PIK3C2A: variants seen among roughly 807,000 people sequenced by gnomAD.
PIK3C2A encodes the protein phosphatidylinositol 4-phosphate 3-kinase C2 domain-containing subunit alpha.
PIK3C2A carries 97 observed loss-of-function variants against 204.5 expected under a neutral mutation model. The observed-to-expected ratio is 0.47, with a 90% CI of 0.40 to 0.56. PIK3C2A has a LOEUF of 0.56. Ranked by LOEUF, PIK3C2A falls within the 20% of genes least tolerant of loss-of-function variation. The probability of loss-of-function intolerance (pLI) is 0.00; values close to 1 mark genes in which losing one functional copy is unlikely to be tolerated. For synonymous variants in PIK3C2A, 653 were observed against 664.4 expected (o/e 0.98, Z 0.26); for missense variants, 1,735 against 1,969.2 (o/e 0.88, Z 2.25).
At chr11:17,095,979 TA>T (rs1051033100) in intron 27 of PIK3C2A, among the ~76,000 whole-genome samples, 77 of 150,326 alleles carry the variant, frequency 5.1e-4, no homozygotes, top group Non-Finnish European at 8.3e-4. Context: ...AAAAGTCAGT[TA>T]AAAAAAGGCA....
At chr11:17,114,059 A>G (rs1590922400) in intron 20 of PIK3C2A, among the ~76,000 whole-genome samples, 1 of 143,376 alleles carries the variant, frequency 7.0e-6, no homozygotes, top group Admixed American at 7.2e-5. Flanking sequence ...CAGCTTGGGC[A>G]AGAGTGAGAC....
chr11:17,165,546 C>T (rs1850914155), intron 2 of PIK3C2A, among the ~76,000 whole-genome samples: 1 of 151,734 alleles, frequency 6.6e-6, no homozygotes, highest in African/African-American at 2.4e-5. Flanking sequence ...AAGGCTGAGG[C>T]AGGCAGATCA....
chr11:17,115,654 A>G (rs1849159776), intron 19 of PIK3C2A: 1 of 152,194 alleles, frequency 6.6e-6, no homozygotes, highest in African/African-American at 2.4e-5. Context: ...TTTTATTTAA[A>G]AATTTTTAAC....
intron 1 of PIK3C2A, among the ~76,000 whole-genome samples, chr11:17,199,575 A>G (rs1327591446): frequency 6.6e-6 from 1 of 152,238 alleles, no homozygotes; most frequent in South Asian, 2.1e-4. Context: ...TAAGTGACAT[A>G]AGTCAGACAC....
In PIK3C2A at chr11:17,089,792, G is replaced by A; in HGVS notation, c.5007C>T (p.Asn1669=). 1 of 1,613,952 alleles carries A rather than the reference G, an allele frequency of 6.2e-7. No individual in the cohort carries two copies. Among genetic ancestry groups the A allele is most frequent in the South Asian group, 1.1e-5 (1 of 91,082 alleles). The change falls in exon 33 of 33, where the codon AAC becomes AAT. Residue 1669 remains asparagine (N), a synonymous_variant. Transcript: ENST00000691414. ...GGVTLPLKDF[N]LSKETVKWYQ... ...ACCATTTAACCGTCTCTTTGCTCAAGTTGAAATCTTTCAAAGGCAGGGTTA... is the reference window on the plus strand; with the variant it reads ...ACCATTTAACCGTCTCTTTGCTCAAATTGAAATCTTTCAAAGGCAGGGTTA...
chr11:17,165,630 C>G (rs1054912308), intron 2 of PIK3C2A, among the ~76,000 whole-genome samples: 4 of 151,802 alleles, frequency 2.6e-5, no homozygotes, highest in African/African-American at 9.7e-5. Flanking sequence ...ACAAAATTAG[C>G]CGGTCGTGGT....
chr11:17,089,695 G>T lies in PIK3C2A; in HGVS notation c.*43C>A. The T allele has an allele frequency of 7.4e-7, 1 of 1,355,882 alleles. No individual in the cohort carries two copies. The highest frequency in any genetic ancestry group is 1.0e-6 in the Non-Finnish European group (1 of 954,034). 84.0% of individuals were successfully genotyped at this position (1,355,882 alleles called of 1,614,324 possible). A position where few individuals can be genotyped will look rare whatever the true frequency, so the allele number is the denominator to read the frequency against. ...TGTGTGTGTGCATGTATGCATGCAC[G>T]TTTATAACTGTTCATGCTTCCAAAG... On this transcript the variant is annotated 3_prime_UTR_variant, in exon 33 of 33. Coordinates refer to ENST00000691414, the MANE Select transcript of PIK3C2A (RefSeq NM_002645.4).
rs1049903413 is a variant in PIK3C2A at position 17,087,749 on chromosome 11, T to A, written c.*1989A>T. ...ATTTGCATTTGCAAAGGTACTTACATACTTTAAGGAAATGTTAATGATCTG... is the reference window on the plus strand; with the variant it reads ...ATTTGCATTTGCAAAGGTACTTACAAACTTTAAGGAAATGTTAATGATCTG... On this transcript the variant is annotated 3_prime_UTR_variant, in exon 33 of 33. Transcript: ENST00000691414. 3.9e-5 allele frequency: 6 copies of A among 152,258 alleles called. No individual in the cohort carries two copies. The highest frequency in any genetic ancestry group is 1.2e-4 in the African/African-American group (5 of 41,462). The allele number at this position is 152,258 out of a possible 1,614,324, so 9.4% of individuals were successfully genotyped here. A position where few individuals can be genotyped will look rare whatever the true frequency, so the allele number is the denominator to read the frequency against.
intron 22 of PIK3C2A, among the ~76,000 whole-genome samples, chr11:17,107,773 A>G (rs956651932): frequency 1.3e-5 from 2 of 152,250 alleles, no homozygotes; most frequent in African/African-American, 4.8e-5. Context: ...ACAGAAGTTG[A>G]CCAAGGCTGC....
At chr11:17,138,268 T>C (rs528243115) in intron 8 of PIK3C2A, 29 of 772,248 alleles carry the variant, frequency 3.8e-5, no homozygotes, top group Middle Eastern at 3.8e-4. Context: ...CAGGACAGGC[T>C]AGGAAAGCCT....
intron 19 of PIK3C2A, 31 bp from the exon 20 acceptor site, chr11:17,114,496 A>C (rs758942135): frequency 3.2e-6 from 3 of 944,708 alleles, no homozygotes; most frequent in Non-Finnish European, 5.1e-6. Flanking sequence ...CTGTAAGTAC[A>C]TAATGAAAAT....
intron 13 of PIK3C2A, among the ~76,000 whole-genome samples, chr11:17,128,138 T>C (rs1448549829): frequency 6.6e-6 from 1 of 152,156 alleles, no homozygotes; most frequent in Admixed American, 6.5e-5. Context: ...ACATAGTAAG[T>C]GCTACATAAG....
At chr11:17,125,615 A>G (rs1590936086) in intron 13 of PIK3C2A, among the ~76,000 whole-genome samples, 1 of 152,014 alleles carries the variant, frequency 6.6e-6, no homozygotes, top group African/African-American at 2.4e-5. Context: ...CCCGGGTTCA[A>G]GCAATTCTCC....
At chr11:17,178,025 G>A (rs1029090215) in intron 1 of PIK3C2A, among the ~76,000 whole-genome samples, 9 of 140,526 alleles carry the variant, frequency 6.4e-5, no homozygotes, top group African/African-American at 1.9e-4. Flanking sequence ...CCCTGGAGGT[G>A]TATGTTGCAG....
intron 3 of PIK3C2A, among the ~76,000 whole-genome samples, chr11:17,152,603 C>CT (rs1374336396): frequency 6.6e-6 from 1 of 152,126 alleles, no homozygotes; most frequent in Non-Finnish European, 1.5e-5. Flanking sequence ...AAGTAACTAT[C>CT]TATAAAGAGT....
chr11:17,121,483 TAA>T (rs1216993464), intron 15 of PIK3C2A, among the ~76,000 whole-genome samples: 2 of 152,250 alleles, frequency 1.3e-5, no homozygotes, highest in African/African-American at 4.8e-5. Flanking sequence ...TAAGCAAATA[TAA>T]AAGAGTTTTA....
chr11:17,101,819 G>A (rs1225727505), intron 24 of PIK3C2A, among the ~76,000 whole-genome samples: 2 of 151,660 alleles, frequency 1.3e-5, no homozygotes, highest in Non-Finnish European at 2.9e-5. Context: ...TAGCCAGGAT[G>A]GTCTCGATCT....
chr11:17,122,427 C>T lies in PIK3C2A; in HGVS notation c.2512-94G>A, dbSNP rs139791768. On this transcript the variant is annotated intron_variant, in intron 14 of 32. Coordinates refer to ENST00000691414, the MANE Select transcript of PIK3C2A (RefSeq NM_002645.4). ...AAGAAAACAGATTTTTCTTAGCAAT[C>T]GGGGCATATTTACATTGAATATTAA... 162 of 762,252 alleles carry T rather than the reference C, an allele frequency of 2.1e-4. No individual in the cohort carries two copies. The African/African-American group carries it at 2.2e-3, about 10-fold the overall frequency. The allele number at this position is 762,252 out of a possible 1,614,324, so 47.2% of individuals were successfully genotyped here.
Position 17,134,986 on chromosome 11 carries a change from T to C in PIK3C2A, c.1941A>G (p.Gln647=), listed in dbSNP as rs377262754. ...GAAGATCATAAATTGCTGCAGTTAA[T>C]TGGTTTATGCTTACTTGAACAGGAT... ...PENPVQVSIN[Q]LTAAIYDLLR... is the part of the protein sequence containing the mutation. Residue 647 remains glutamine, a synonymous_variant, in exon 11 of 33, where the codon CAA becomes CAG. Transcript: ENST00000691414. The C allele has an allele frequency of 5.4e-4, 871 of 1,614,136 alleles. 13 individuals carry two copies. The South Asian group carries it at 8.8e-3, about 16-fold the overall frequency.
Sources: gnomAD v4.1 joint callset for allele counts (sites outside exome capture counted in the v4.1 genomes callset) on GRCh38, gnomAD v4.1.1 for gene constraint, MANE v1.5 for transcripts, NCBI Gene and HGNC (gene_info 2026-07-23, HGNC 2026-07-21) for gene names.